LHFPL2: variants seen among roughly 807,000 people sequenced by gnomAD.
LHFPL2 encodes the protein LHFPL tetraspan subfamily member 2, also known as LHFPL tetraspan subfamily member 2 protein.
Under a neutral mutation model 17.5 loss-of-function variants are expected in LHFPL2, and 7 were observed. The observed-to-expected ratio is 0.40, with a 90% CI of 0.23 to 0.75. The LOEUF is 0.75. LHFPL2 is among the 30% of genes least tolerant of loss of function. The pLI is 0.37. For synonymous variants in LHFPL2, 134 were observed against 116.2 expected, an observed-to-expected ratio of 1.15 and a Z score of -0.99; for missense variants, 241 against 294.8, an observed-to-expected ratio of 0.82 and a Z score of 1.34.
At chr5:78,630,833 C>G (rs371163876) in intron 2 of LHFPL2, among the ~76,000 whole-genome samples, 1 of 152,182 alleles carries the variant, frequency 6.6e-6, no homozygotes, top group African/African-American at 2.4e-5. Flanking sequence ...GGCAAAACCT[C>G]AAGACCACAT....
chr5:78,617,462 A>T (rs1744661499), intron 2 of LHFPL2, among the ~76,000 whole-genome samples: 1 of 152,084 alleles, frequency 6.6e-6, no homozygotes, highest in African/African-American at 2.4e-5. Context: ...AGTTTGTTCT[A>T]CCTGCTTGTA....
At chr5:78,502,833 T>C (rs1387647625) in intron 4 of LHFPL2, among the ~76,000 whole-genome samples, 2 of 152,246 alleles carry the variant, frequency 1.3e-5, no homozygotes, top group Non-Finnish European at 2.9e-5. Flanking sequence ...ACTACGTCCC[T>C]GAACGTGGCC....
chr5:78,538,769 G>A (rs575501055), intron 3 of LHFPL2, among the ~76,000 whole-genome samples: 3 of 152,162 alleles, frequency 2.0e-5, no homozygotes, highest in Non-Finnish European at 2.9e-5. Flanking sequence ...GTGGGGACAG[G>A]AGCACCCACA....
chr5:78,553,673 C>T (rs1274060991), intron 3 of LHFPL2, among the ~76,000 whole-genome samples: 3 of 152,216 alleles, frequency 2.0e-5, no homozygotes, highest in Admixed American at 2.0e-4. Flanking sequence ...CCACTGACAG[C>T]ACTGATTCCA....
At chr5:78,551,187 G>A (rs1347345515) in intron 3 of LHFPL2, among the ~76,000 whole-genome samples, 1 of 152,226 alleles carries the variant, frequency 6.6e-6, no homozygotes, top group African/African-American at 2.4e-5. Context: ...TAGAGGAACG[G>A]GGAATTCCGT....
At chr5:78,599,760 T>A (rs541523578) in intron 2 of LHFPL2, among the ~76,000 whole-genome samples, 1 of 152,304 alleles carries the variant, frequency 6.6e-6, no homozygotes, top group Non-Finnish European at 1.5e-5. Flanking sequence ...GTACAGATAA[T>A]GGCAGACAAT....
intron 2 of LHFPL2, among the ~76,000 whole-genome samples, chr5:78,602,909 TGAGACGG>T (rs1744071191): frequency 6.6e-6 from 1 of 152,118 alleles, no homozygotes; most frequent in Non-Finnish European, 1.5e-5. Flanking sequence ...TTGTTTTGTT[TGAGACGG>T]AGTCTTGCTC....
At chr5:78,621,579 A>T in intron 2 of LHFPL2, among the ~76,000 whole-genome samples, 1 of 150,482 alleles carries the variant, frequency 6.6e-6, no homozygotes, top group African/African-American at 2.4e-5. Flanking sequence ...CCTTTGGAAA[A>T]CTCCTGATAG....
intron 2 of LHFPL2, among the ~76,000 whole-genome samples, chr5:78,603,200 T>C (rs372568652): frequency 1.5e-4 from 23 of 152,120 alleles, no homozygotes; most frequent in East Asian, 9.7e-4. Context: ...CCGAGGTAGG[T>C]ATTATATGCA....
chr5:78,598,090 C>T (rs186743730), intron 2 of LHFPL2, among the ~76,000 whole-genome samples: 2 of 152,288 alleles, frequency 1.3e-5, no homozygotes, highest in South Asian at 2.1e-4. Flanking sequence ...AGGTTAAGGC[C>T]TGGGTTCCCA....
At chr5:78,514,361 A>G (rs1303824991) in intron 3 of LHFPL2, among the ~76,000 whole-genome samples, 1 of 78,730 alleles carries the variant, frequency 1.3e-5, no homozygotes, top group Non-Finnish European at 2.7e-5. Flanking sequence ...TTCACTTAAA[A>G]AAAAAAAAAA....
At chr5:78,550,634 G>A (rs1041546110) in intron 3 of LHFPL2, among the ~76,000 whole-genome samples, 1 of 152,134 alleles carries the variant, frequency 6.6e-6, no homozygotes, top group Non-Finnish European at 1.5e-5. Context: ...GCAGTGGCAT[G>A]ATCTCGGCTC....
chr5:78,536,579 T>C (rs888533493), intron 3 of LHFPL2, among the ~76,000 whole-genome samples: 2 of 152,218 alleles, frequency 1.3e-5, no homozygotes, highest in African/African-American at 4.8e-5. Context: ...TACCTCACAG[T>C]TTCCACATCT....
At chr5:78,580,570 C>G (rs1163547052) in intron 2 of LHFPL2, among the ~76,000 whole-genome samples, 1 of 149,046 alleles carries the variant, frequency 6.7e-6, no homozygotes, top group Non-Finnish European at 1.5e-5. Flanking sequence ...ATATGGCTAG[C>G]CAGTTTTCCC....
At chr5:78,640,934 G>T (rs569123516) in intron 1 of LHFPL2, among the ~76,000 whole-genome samples, 42 of 152,330 alleles carry the variant, frequency 2.8e-4, no homozygotes, top group African/African-American at 9.1e-4. Context: ...ATTAACACCA[G>T]TAGCCCTTGA....
chr5:78,496,729 G>C (rs1199727359), intron 4 of LHFPL2, among the ~76,000 whole-genome samples: 1 of 151,774 alleles, frequency 6.6e-6, no homozygotes, highest in Non-Finnish European at 1.5e-5. Context: ...ACTCTGACAG[G>C]ACAGTTATTC....
chr5:78,644,755 G>T, intron 1 of LHFPL2: 1 of 235,626 alleles, frequency 4.2e-6, no homozygotes. Context: ...TGAGCATCTG[G>T]GTGCTTCTTC....
At chr5:78,642,975 C>A (rs180902053) in intron 1 of LHFPL2, among the ~76,000 whole-genome samples, 7 of 152,170 alleles carry the variant, frequency 4.6e-5, no homozygotes, top group African/African-American at 1.7e-4. Flanking sequence ...CTTGTTCCCC[C>A]CCCTCCTTGT....
rs2241567 is a variant in LHFPL2 at position 78,488,615 on chromosome 5, T to A, written c.*282A>T. ...GCCCTAATGATTTAGATTATTATCCTTCATTGAACCTGGGGGAGATGGAGT... is the reference window on the plus strand; with the variant it reads ...GCCCTAATGATTTAGATTATTATCCATCATTGAACCTGGGGGAGATGGAGT... On this transcript the variant is annotated 3_prime_UTR_variant, in exon 5 of 5. Coordinates refer to ENST00000380345, the MANE Select transcript of LHFPL2 (RefSeq NM_005779.3). 0.067 allele frequency: 28,096 copies of A among 417,676 alleles called. 1,886 individuals carry two copies. The highest frequency in any genetic ancestry group is 0.28 in the East Asian group (6,015 of 21,604). The allele number at this position is 417,676 out of a possible 1,614,324, so 25.9% of individuals were successfully genotyped here.
Sources: gnomAD v4.1 joint callset for allele counts (sites outside exome capture counted in the v4.1 genomes callset) on GRCh38, gnomAD v4.1.1 for gene constraint, MANE v1.5 for transcripts, NCBI Gene and HGNC (gene_info 2026-07-23, HGNC 2026-07-21) for gene names.